DOK5: variants seen among roughly 807,000 people sequenced by gnomAD.
DOK5 encodes downstream of tyrosine kinase 5.
A neutral mutation model predicts 43.3 loss-of-function variants in DOK5; 27 were observed. That is an observed-to-expected ratio of 0.62 (90% CI 0.46 to 0.86). The LOEUF (loss-of-function observed/expected upper bound fraction) is 0.86. Among genes scored for constraint, DOK5 ranks in the 40% least tolerant of loss-of-function variants. The pLI is 0.00. For synonymous variants in DOK5, 146 were observed against 140.1 expected (o/e 1.04, Z -0.30); for missense variants, 373 against 392.9 (o/e 0.95, Z 0.43).
chr20:54,530,904 T>C (rs1160358852), intron 1 of DOK5, among the ~76,000 whole-genome samples: 1 of 152,180 alleles, frequency 6.6e-6, no homozygotes, highest in African/African-American at 2.4e-5. Context: ...GTAAGCTAAG[T>C]TCCTGTGAGC....
At chr20:54,541,603 T>G (rs1337218357) in intron 1 of DOK5, among the ~76,000 whole-genome samples, 1 of 151,906 alleles carries the variant, frequency 6.6e-6, no homozygotes, top group Non-Finnish European at 1.5e-5. Flanking sequence ...GCCCGGCTAA[T>G]TTTTGCATTT....
intron 6 of DOK5, among the ~76,000 whole-genome samples, chr20:54,630,940 GA>G (rs958706254): frequency 3.3e-5 from 5 of 150,654 alleles, no homozygotes; most frequent in South Asian, 2.1e-4. Flanking sequence ...TGGTCAGCAG[GA>G]AAAAAAAATA....
chr20:54,591,222 C>T (rs1159455871), intron 4 of DOK5, among the ~76,000 whole-genome samples: 2 of 152,060 alleles, frequency 1.3e-5, no homozygotes, highest in African/African-American at 4.8e-5. Flanking sequence ...TTGTTTTGCA[C>T]CTGCATCTTT....
intron 2 of DOK5, among the ~76,000 whole-genome samples, chr20:54,574,450 G>A (rs950156875): frequency 5.3e-5 from 8 of 152,198 alleles, no homozygotes; most frequent in Admixed American, 2.6e-4. Flanking sequence ...CTCACCTATT[G>A]ACACATCTGA....
intron 7 of DOK5, among the ~76,000 whole-genome samples, chr20:54,645,070 C>T (rs1979342864): frequency 7.4e-6 from 1 of 134,716 alleles, no homozygotes; most frequent in Non-Finnish European, 1.5e-5. Flanking sequence ...TGCAGTGGCG[C>T]GATCTCGGCT....
At chr20:54,619,026 TATATATATA>T (rs1986902508) in intron 6 of DOK5, among the ~76,000 whole-genome samples, 1,017 of 42,786 alleles carry the variant, frequency 0.024, 67 homozygotes, top group African/African-American at 0.046. Context: ...CAATAAATTA[TATATATATA>T]TATATATATA....
At chr20:54,573,730 C>T (rs1039031230) in intron 2 of DOK5, among the ~76,000 whole-genome samples, 50 of 148,192 alleles carry the variant, frequency 3.4e-4, no homozygotes, top group African/African-American at 8.7e-4. Flanking sequence ...GTTGGTTGTG[C>T]GTTGACTTCA....
At chr20:54,581,042 T>C (rs958204753) in intron 2 of DOK5, among the ~76,000 whole-genome samples, 1 of 152,178 alleles carries the variant, frequency 6.6e-6, no homozygotes, top group Non-Finnish European at 1.5e-5. Context: ...CCATTTTGAA[T>C]TGATTTTTTG....
chr20:54,482,393 G>A (rs1369118154), intron 1 of DOK5, among the ~76,000 whole-genome samples: 3 of 152,124 alleles, frequency 2.0e-5, no homozygotes, highest in African/African-American at 4.8e-5. Flanking sequence ...TTTCATTTGA[G>A]GATTTTAGAT....
At chr20:54,515,861 G>A (rs566911295) in intron 1 of DOK5, among the ~76,000 whole-genome samples, 7 of 152,248 alleles carry the variant, frequency 4.6e-5, no homozygotes, top group South Asian at 2.1e-4. Flanking sequence ...GCCATCAGCC[G>A]GTTTTGCCAG....
intron 6 of DOK5, among the ~76,000 whole-genome samples, chr20:54,625,475 A>G (rs550957615): frequency 2.0e-5 from 3 of 152,350 alleles, no homozygotes; most frequent in African/African-American, 7.2e-5. Context: ...ATTTGAGTCC[A>G]TCCTTTAGGA....
intron 6 of DOK5, among the ~76,000 whole-genome samples, chr20:54,633,260 T>C (rs1197119382): frequency 6.6e-6 from 1 of 152,126 alleles, no homozygotes; most frequent in Non-Finnish European, 1.5e-5. Context: ...TTTTCAAATA[T>C]TATTTTCACA....
At chr20:54,581,420 T>C (rs1351823685) in intron 2 of DOK5, among the ~76,000 whole-genome samples, 2 of 151,658 alleles carry the variant, frequency 1.3e-5, no homozygotes, top group African/African-American at 4.8e-5. Context: ...GGGATTTTGA[T>C]AGAGATTACA....
At chr20:54,594,856 A>T (rs1257371215) in intron 5 of DOK5, among the ~76,000 whole-genome samples, 1 of 152,172 alleles carries the variant, frequency 6.6e-6, no homozygotes. Context: ...CATATCCTGC[A>T]AACGTTTAAT....
intron 2 of DOK5, among the ~76,000 whole-genome samples, chr20:54,581,557 G>T (rs6014064): frequency 0.32 from 48,081 of 151,654 alleles, 15,470 homozygotes; most frequent in African/African-American, 0.83. Context: ...CTTTTAAAAT[G>T]AATTTCTTCA....
chr20:54,515,017 AT>A (rs573019374), intron 1 of DOK5, among the ~76,000 whole-genome samples: 49 of 148,738 alleles, frequency 3.3e-4, no homozygotes, highest in African/African-American at 1.0e-3. Flanking sequence ...ATTAGTTATA[AT>A]TTTTTTTTTA....
chr20:54,536,594 C>A (rs977742127), intron 1 of DOK5, among the ~76,000 whole-genome samples: 3 of 152,138 alleles, frequency 2.0e-5, no homozygotes, highest in African/African-American at 7.2e-5. Context: ...GCCAACAACC[C>A]AGAAACCCCA....
intron 2 of DOK5, among the ~76,000 whole-genome samples, chr20:54,557,663 G>T (rs1205784720): frequency 6.6e-6 from 1 of 152,120 alleles, no homozygotes; most frequent in Non-Finnish European, 1.5e-5. Context: ...AGCACCTCCT[G>T]CCCTTTATAC....
chr20:54,628,544 GC>G (rs1444788488), intron 6 of DOK5, among the ~76,000 whole-genome samples: 1 of 149,660 alleles, frequency 6.7e-6, no homozygotes, highest in African/African-American at 2.5e-5. Flanking sequence ...CTGTCTGTAT[GC>G]CCTAAGAATG....
Sources: allele counts gnomAD v4.1 joint callset (sites outside exome capture counted in the v4.1 genomes callset), GRCh38; gene constraint gnomAD v4.1.1; transcripts MANE v1.5; gene names NCBI Gene and HGNC (gene_info 2026-07-23, HGNC 2026-07-21).